The following CNTN4 variants were observed in gnomAD, a reference collection of about 807,000 sequenced individuals.
CNTN4 encodes contactin 4.
CNTN4 carries 77 observed loss-of-function variants against 122.5 expected under a neutral mutation model. That is an observed-to-expected ratio of 0.63 (90% CI 0.52 to 0.76). The LOEUF (loss-of-function observed/expected upper bound fraction) is 0.76, where lower values mean the gene tolerates loss of function less well. CNTN4 is among the 30% of genes least tolerant of loss of function. The pLI is 0.00. For missense variants in CNTN4, 1,256 were observed against 1,259.1 expected (o/e 1.00, Z 0.04); for synonymous variants, 512 against 447.0 (o/e 1.15, Z -1.83).
Position 2,990,038 on chromosome 3 carries a change from A to G in CNTN4, c.1486+1566A>G, listed in dbSNP as rs75756708. ...TCTACCACTTACCAGCTCTTAGACA[A>G]GACACTTAGCCTGTGTGGGGATAAT... On this transcript the variant is annotated intron_variant, in intron 14 of 24. Coordinates refer to ENST00000418658, the MANE Select transcript of CNTN4 (RefSeq NM_175607.3). Among the ~76,000 whole-genome samples, 108 of 152,342 alleles carry G rather than the reference A, an allele frequency of 7.1e-4. 2 individuals are homozygous for G. In the East Asian group the frequency reaches 0.02, roughly 29 times the overall value.
rs949079338 is a variant in CNTN4, at chr3:2,168,382, A to G, written c.-145+67743A>G. Among the ~76,000 whole-genome samples the G allele has an allele frequency of 3.3e-5, 5 of 152,284 alleles. No individual in the cohort carries two copies. The East Asian group carries it at 5.8e-4, about 18-fold the overall frequency. On this transcript the variant is annotated intron_variant, in intron 2 of 24. Transcript: ENST00000418658. ...GGCTTTTGGGTTTAAGTGGAAATCA[A>G]TTATACTATGAACTATCTTTAAAAC...
rs975449511 is a variant in CNTN4, at chr3:2,805,812, G to A, written c.359-13674G>A. ...CCTCATTGTTCTGGGTCCACAGTCT[G>A]TGCAGATGGAATGTTGATTGGGTGA... On this transcript the variant is annotated intron_variant, in intron 6 of 24. Coordinates refer to ENST00000418658, the MANE Select transcript of CNTN4 (RefSeq NM_175607.3). 6.6e-5 allele frequency among the ~76,000 whole-genome samples: 10 copies of A among 152,314 alleles called. No homozygotes were observed. The East Asian group carries it at 1.9e-3, about 29-fold the overall frequency.
chr3:2,635,618 AG>A (rs2082629059), intron 4 of CNTN4, among the ~76,000 whole-genome samples: 1 of 152,142 alleles, frequency 6.6e-6, no homozygotes, highest in African/African-American at 2.4e-5. Context: ...TGTTAGTTGG[AG>A]GCACCACCCA....
intron 2 of CNTN4, among the ~76,000 whole-genome samples, chr3:2,233,218 C>G (rs1254925297): frequency 1.3e-5 from 2 of 152,088 alleles, no homozygotes; most frequent in African/African-American, 4.8e-5. Flanking sequence ...TTTATTTTTA[C>G]ATACCAGATT....
At chr3:3,046,027 T>C (rs7623332) in intron 23 of CNTN4, among the ~76,000 whole-genome samples, 41,151 of 152,062 alleles carry the variant, frequency 0.27, 5,941 homozygotes, top group Middle Eastern at 0.35. Flanking sequence ...AAAGGGTACC[T>C]GTGATGGAAG....
At chr3:2,968,425 G>A (rs924345300) in intron 13 of CNTN4, among the ~76,000 whole-genome samples, 1 of 152,176 alleles carries the variant, frequency 6.6e-6, no homozygotes, top group Non-Finnish European at 1.5e-5. Flanking sequence ...GAAGAACTTG[G>A]CAGTTATCTG....
At chr3:2,186,561 T>C (rs1359585575) in intron 2 of CNTN4, among the ~76,000 whole-genome samples, 1 of 152,210 alleles carries the variant, frequency 6.6e-6, no homozygotes, top group Non-Finnish European at 1.5e-5. Context: ...TGTAAAAGTG[T>C]TCCTATTTCT....
chr3:2,198,269 T>C (rs1412538726), intron 2 of CNTN4, among the ~76,000 whole-genome samples: 1 of 152,176 alleles, frequency 6.6e-6, no homozygotes, highest in Non-Finnish European at 1.5e-5. Context: ...CCATTTGAAA[T>C]ATATATCTTC....
chr3:2,881,164 T>A (rs181358350), intron 8 of CNTN4, among the ~76,000 whole-genome samples: 200 of 152,308 alleles, frequency 1.3e-3, no homozygotes, highest in African/African-American at 3.5e-3. Flanking sequence ...ATTCTGTTTC[T>A]CACAGTTTGA....
intron 3 of CNTN4, among the ~76,000 whole-genome samples, chr3:2,348,733 A>G (rs2044497555): frequency 1.3e-5 from 2 of 152,320 alleles, no homozygotes; most frequent in Non-Finnish European, 2.9e-5. Context: ...AGCCTATAAA[A>G]AATTATTCAA....
intron 13 of CNTN4, among the ~76,000 whole-genome samples, chr3:2,932,917 G>A (rs1388868010): frequency 6.6e-6 from 1 of 152,056 alleles, no homozygotes; most frequent in Non-Finnish European, 1.5e-5. Context: ...CCGCCTCCCG[G>A]GTTCACATCA....
chr3:2,143,927 C>T (rs777396546), intron 2 of CNTN4, among the ~76,000 whole-genome samples: 1 of 152,116 alleles, frequency 6.6e-6, no homozygotes, highest in Non-Finnish European at 1.5e-5. Flanking sequence ...ATTTTGGTTA[C>T]TTTTTAGGGC....
At chr3:3,043,221 A>T (rs1256481251) in intron 22 of CNTN4, 58 bp downstream of exon 22, 1 of 1,421,588 alleles carries the variant, frequency 7.0e-7, no homozygotes, top group Non-Finnish European at 9.9e-7. Flanking sequence ...TCCCAAGTTT[A>T]TTCCTTATCC....
intron 4 of CNTN4, among the ~76,000 whole-genome samples, chr3:2,606,598 A>G (rs1576192451): frequency 2.0e-5 from 3 of 152,224 alleles, no homozygotes; most frequent in African/African-American, 7.2e-5. Flanking sequence ...GACTAATTCC[A>G]TATGCTTTTC....
intron 2 of CNTN4, among the ~76,000 whole-genome samples, chr3:2,109,125 T>C (rs982819291): frequency 1.3e-5 from 2 of 152,212 alleles, no homozygotes; most frequent in Non-Finnish European, 2.9e-5. Context: ...AACAGTTTGT[T>C]TTTTCTTGCA....
intron 7 of CNTN4, among the ~76,000 whole-genome samples, chr3:2,835,465 G>C (rs949673195): frequency 1.3e-5 from 2 of 151,962 alleles, no homozygotes; most frequent in Non-Finnish European, 2.9e-5. Flanking sequence ...TTCTCTTTAA[G>C]CACTTCCATA....
In CNTN4 at chr3:3,037,467, G is replaced by A. The variant is rs998231266; in HGVS notation, c.2092+139G>A. The stretch of plus-strand genomic sequence containing the variant: ...TTCCCTTTAAATGTTTATAATGATA[G>A]AAATCAGGCCAGGAGAAGCCCAGCT... On this transcript the variant is annotated intron_variant, in intron 18 of 24. Transcript: ENST00000418658. 10 of 1,247,534 alleles carry A rather than the reference G, an allele frequency of 8.0e-6. 1 individual carries two copies. In the African/African-American group the frequency reaches 1.5e-4, roughly 18 times the overall value. 77.3% of individuals were successfully genotyped at this position (1,247,534 alleles called of 1,614,324 possible). A position where few individuals can be genotyped will look rare whatever the true frequency, so the allele number is the denominator to read the frequency against.
intron 11 of CNTN4, among the ~76,000 whole-genome samples, chr3:2,901,861 T>C (rs538947559): frequency 6.6e-6 from 1 of 152,250 alleles, no homozygotes; most frequent in South Asian, 2.1e-4. Context: ...TTATGACAGA[T>C]GAAGGGTCTG....
chr3:2,118,902 C>T (rs1263410983), intron 2 of CNTN4, among the ~76,000 whole-genome samples: 1 of 152,098 alleles, frequency 6.6e-6, no homozygotes, highest in African/African-American at 2.4e-5. Context: ...TTCATTTTGC[C>T]AGAGAAGATA....
Sources: gnomAD v4.1 joint callset for allele counts (sites outside exome capture counted in the v4.1 genomes callset) on GRCh38, gnomAD v4.1.1 for gene constraint, MANE v1.5 for transcripts, NCBI Gene and HGNC (gene_info 2026-07-23, HGNC 2026-07-21) for gene names.